CSMD1: variants seen among roughly 807,000 people sequenced by gnomAD.
CSMD1 encodes CUB and sushi domain-containing protein 1.
Under a neutral mutation model 417.5 loss-of-function variants are expected in CSMD1, and 213 were observed. That is an observed-to-expected ratio of 0.51 (90% CI 0.46 to 0.57). The LOEUF (loss-of-function observed/expected upper bound fraction) is 0.57. Ranked by LOEUF, CSMD1 falls within the 20% of genes least tolerant of loss-of-function variation. The pLI is 0.00. For synonymous variants in CSMD1, 2,862 were observed against 1,736.8 expected, an observed-to-expected ratio of 1.65 and a Z score of -16.11; for missense variants, 6,923 against 4,529.7, an observed-to-expected ratio of 1.53 and a Z score of -15.17.
intron 1 of CSMD1, among the ~76,000 whole-genome samples, chr8:4,675,809 C>T (rs184232682): frequency 9.9e-5 from 15 of 152,052 alleles, no homozygotes; most frequent in East Asian, 5.8e-4. Context: ...TTTCTTTGAA[C>T]GAAAGCCAAA....
At chr8:3,080,030 A>C (rs2129002701) in intron 49 of CSMD1, among the ~76,000 whole-genome samples, 1 of 152,334 alleles carries the variant, frequency 6.6e-6, no homozygotes, top group East Asian at 1.9e-4. Flanking sequence ...TGTGAGAAAG[A>C]CTGTTTTTTG....
At chr8:4,012,599 A>T (rs949436974) in intron 4 of CSMD1, among the ~76,000 whole-genome samples, 2 of 152,082 alleles carry the variant, frequency 1.3e-5, no homozygotes, top group African/African-American at 2.4e-5. Flanking sequence ...AGTAGGCCTC[A>T]GTGACTATGT....
chr8:4,465,717 G>A (rs955359922), intron 2 of CSMD1, among the ~76,000 whole-genome samples: 3 of 152,178 alleles, frequency 2.0e-5, no homozygotes, highest in African/African-American at 4.8e-5. Context: ...TGGTAGGAAA[G>A]GATGCTGGTG....
chr8:4,340,740 A>C (rs1424307836), intron 3 of CSMD1, among the ~76,000 whole-genome samples: 1 of 152,044 alleles, frequency 6.6e-6, no homozygotes, highest in Non-Finnish European at 1.5e-5. Flanking sequence ...CTGAAAATTT[A>C]TTTTCAGCAA....
intron 7 of CSMD1, among the ~76,000 whole-genome samples, chr8:3,662,996 A>C (rs1361701846): frequency 1.3e-5 from 2 of 152,128 alleles, no homozygotes; most frequent in Admixed American, 1.3e-4. Flanking sequence ...CCCAGAACTT[A>C]AAGTAAAATA....
chr8:4,900,170 C>T (rs1404238331), intron 1 of CSMD1, among the ~76,000 whole-genome samples: 4 of 152,176 alleles, frequency 2.6e-5, no homozygotes, highest in African/African-American at 7.2e-5. Context: ...TACCTCACCA[C>T]ATTCAAGTCC....
At chr8:3,119,384 TAAAAAAAAAAAAAAAAA>T (rs34060531) in intron 41 of CSMD1, among the ~76,000 whole-genome samples, 1 of 88,232 alleles carries the variant, frequency 1.1e-5, no homozygotes, top group African/African-American at 3.6e-5. Flanking sequence ...AGTCTTTTTC[TAAAAAAAAAAAAAAAAA>T]AAAAAAAAAA....
At chr8:3,421,246 T>C (rs1046318614) in intron 12 of CSMD1, among the ~76,000 whole-genome samples, 3 of 152,172 alleles carry the variant, frequency 2.0e-5, no homozygotes, top group African/African-American at 7.2e-5. Flanking sequence ...AAGGTGGTGG[T>C]CTTCAGAGAC....
chr8:4,649,744 G>A (rs1229677759), intron 1 of CSMD1, among the ~76,000 whole-genome samples: 1 of 152,172 alleles, frequency 6.6e-6, no homozygotes, highest in African/African-American at 2.4e-5. Flanking sequence ...CTGTTTCTTT[G>A]TCTCTATTTG....
chr8:4,289,957 G>A (rs535560618), intron 3 of CSMD1, among the ~76,000 whole-genome samples: 7 of 152,188 alleles, frequency 4.6e-5, no homozygotes, highest in South Asian at 2.1e-4. Flanking sequence ...TTCTTGAGAG[G>A]AGACTCATTA....
intron 3 of CSMD1, among the ~76,000 whole-genome samples, chr8:4,343,038 T>C (rs951832389): frequency 7.2e-5 from 11 of 152,110 alleles, no homozygotes; most frequent in African/African-American, 2.4e-4. Flanking sequence ...AACCCTCATA[T>C]TCAACATTTC....
chr8:4,190,491 G>C (rs1798958126), intron 3 of CSMD1, among the ~76,000 whole-genome samples: 1 of 150,746 alleles, frequency 6.6e-6, no homozygotes, highest in African/African-American at 2.4e-5. Flanking sequence ...AGTTAACCAA[G>C]TAAAATAATA....
At chr8:4,144,113 C>A (rs1331435724) in intron 3 of CSMD1, among the ~76,000 whole-genome samples, 2 of 151,060 alleles carry the variant, frequency 1.3e-5, no homozygotes, top group African/African-American at 2.5e-5. Context: ...GTTAATTGGG[C>A]TTAGGTTCCC....
chr8:3,712,749 A>G (rs1801599274), intron 6 of CSMD1, among the ~76,000 whole-genome samples: 1 of 152,108 alleles, frequency 6.6e-6, no homozygotes, highest in African/African-American at 2.4e-5. Context: ...ATGCACGCCA[A>G]AGTTAGTCTC....
chr8:3,094,198 T>C (rs4415341), intron 47 of CSMD1, among the ~76,000 whole-genome samples: 114,293 of 151,792 alleles, frequency 0.75, 43,561 homozygotes, highest in African/African-American at 0.86. Context: ...CTTTGCCTCC[T>C]GGGCTCAAAT....
chr8:4,308,332 G>C (rs1467402646), intron 3 of CSMD1, among the ~76,000 whole-genome samples: 1 of 151,892 alleles, frequency 6.6e-6, no homozygotes, highest in Non-Finnish European at 1.5e-5. Context: ...TATCTGGTGT[G>C]TATCGTTTGT....
rs570632907 is a variant in CSMD1, at chr8:3,986,479, G to C, written c.818+11424C>G. ...TAGCCATGTGCAAAGCCGAGCAACT[G>C]ACTTCCCTGGCTACCAAAAGCAAGA... On this transcript the variant is annotated intron_variant, in intron 5 of 69. Coordinates refer to ENST00000635120, the MANE Select transcript of CSMD1 (RefSeq NM_033225.6). Among the ~76,000 whole-genome samples, 6 of 152,210 alleles carry C rather than the reference G, an allele frequency of 3.9e-5. No homozygotes were observed. The East Asian group carries it at 1.2e-3, about 30-fold the overall frequency.
At chr8:3,560,796 G>C (rs190522482) in intron 10 of CSMD1, among the ~76,000 whole-genome samples, 2 of 152,292 alleles carry the variant, frequency 1.3e-5, no homozygotes, top group African/African-American at 4.8e-5. Flanking sequence ...ACCCTATCGA[G>C]CTAGAGAAAG....
At chr8:4,370,355 C>G (rs550242429) in intron 3 of CSMD1, among the ~76,000 whole-genome samples, 1 of 152,280 alleles carries the variant, frequency 6.6e-6, no homozygotes, top group Non-Finnish European at 1.5e-5. Flanking sequence ...TGCTCCTTCT[C>G]TCTAGCTGCT....
Sources: gnomAD v4.1 joint callset for allele counts (sites outside exome capture counted in the v4.1 genomes callset) on GRCh38, gnomAD v4.1.1 for gene constraint, MANE v1.5 for transcripts, NCBI Gene and HGNC (gene_info 2026-07-23, HGNC 2026-07-21) for gene names.